The following SULT2A1 variants were observed in gnomAD, a reference collection of about 807,000 sequenced individuals.
SULT2A1 encodes the protein sulfotransferase 2A1.
Under a neutral mutation model 33.9 loss-of-function variants are expected in SULT2A1, and 43 were observed. The ratio of observed to expected loss-of-function variants is 1.27; its 90% CI spans 1.00 to 1.64. The LOEUF (loss-of-function observed/expected upper bound fraction) is 1.64. Among genes scored for constraint, SULT2A1 ranks in the 40% most tolerant of loss-of-function variants. SULT2A1 has a pLI of 0.00. For synonymous variants in SULT2A1, 125 were observed against 113.6 expected (o/e 1.10, Z -0.64); for missense variants, 300 against 335.1 (o/e 0.90, Z 0.82).
At chr19:47,876,048 C>T (rs1015375349) in intron 4 of SULT2A1, among the ~76,000 whole-genome samples, 4 of 152,176 alleles carry the variant, frequency 2.6e-5, no homozygotes, top group African/African-American at 9.6e-5. Flanking sequence ...CAAGATCTCA[C>T]TCTGTCGCCC....
chr19:47,871,395 A>G lies in SULT2A1; in HGVS notation c.*60T>C, dbSNP rs1182359799. On this transcript the variant is annotated 3_prime_UTR_variant, in exon 6 of 6. Transcript: ENST00000222002. ...TTACACAATGACCCCAGTCAGGTAC[A>G]TGTACAAGGACAGGAGAATCAATGT... is the stretch of plus-strand genomic sequence containing the variant. 6.4e-6 allele frequency: 8 copies of G among 1,242,206 alleles called. No individual in the cohort carries two copies. The highest frequency in any genetic ancestry group is 2.3e-5 in the East Asian group (1 of 43,144). The allele number at this position is 1,242,206 out of a possible 1,614,324, so 76.9% of individuals were successfully genotyped here.
At position 47,874,600 on chromosome 19, in the gene SULT2A1, A is replaced by G. The variant is rs1031680385; in HGVS notation, c.745+57T>C. ...CAACTGTTAGCGCCCAGTTGTGACC[A>G]TAGGCATGCATGCCGTGTATTCTGG... On this transcript the variant is annotated intron_variant, in intron 5 of 5. Coordinates refer to ENST00000222002, the MANE Select transcript of SULT2A1 (RefSeq NM_003167.4). 5 of 1,388,410 alleles carry G rather than the reference A, an allele frequency of 3.6e-6. No homozygotes were observed. In the East Asian group the frequency reaches 7.1e-5, roughly 20 times the overall value. 86.0% of individuals were successfully genotyped at this position (1,388,410 alleles called of 1,614,324 possible).
In SULT2A1 at chr19:47,883,796, A is replaced by G. The variant is rs201852380; in HGVS notation, c.137-11T>C. 625 of 1,613,266 alleles carry G rather than the reference A, an allele frequency of 3.9e-4. No homozygotes were observed. The highest frequency in any genetic ancestry group is 4.9e-4 in the Non-Finnish European group (578 of 1,179,416). ...CCAACCAGTTTGTTCCTGGAAAAAGAAGGAAAAAAATATATAAAATGTACC... is the reference window on the plus strand; with the variant it reads ...CCAACCAGTTTGTTCCTGGAAAAAGGAGGAAAAAAATATATAAAATGTACC... On this transcript the variant is annotated splice_polypyrimidine_tract_variant and intron_variant, in intron 1 of 5. Transcript: ENST00000222002.
intron 2 of SULT2A1, 81 bp from the exon 3 acceptor site, chr19:47,882,291 G>T (rs2122154733): frequency 1.3e-6 from 2 of 1,510,316 alleles, no homozygotes; most frequent in South Asian, 1.3e-5. Context: ...TGGAGAAAAA[G>T]CCAATTCCTG....
chr19:47,885,686 C>A (rs547300105), intron 1 of SULT2A1, among the ~76,000 whole-genome samples: 148 of 152,310 alleles, frequency 9.7e-4, no homozygotes, highest in Non-Finnish European at 1.8e-3. Context: ...CATCTTTCAG[C>A]CCCTTGAGAT....
intron 1 of SULT2A1, among the ~76,000 whole-genome samples, chr19:47,884,499 G>A (rs990791788): frequency 2.2e-5 from 3 of 137,046 alleles, no homozygotes; most frequent in African/African-American, 5.6e-5. Flanking sequence ...TTTTTTTAGC[G>A]ATGAGGTCTC....
intron 5 of SULT2A1, among the ~76,000 whole-genome samples, 173 bp from the exon 6 acceptor site, chr19:47,871,740 T>C (rs62529878): frequency 0.034 from 5,206 of 152,064 alleles, 281 homozygotes; most frequent in African/African-American, 0.12. Context: ...AATTTCCTAT[T>C]TTCTCCTTTC....
intron 1 of SULT2A1, 149 bp from the exon 2 acceptor site, chr19:47,883,934 C>T (rs751972836): frequency 1.3e-4 from 91 of 695,770 alleles, no homozygotes; most frequent in Middle Eastern, 4.1e-4. Context: ...GGTGAAACCC[C>T]GTCTCTACTA....
At chr19:47,878,505 ATTTTT>A (rs34027366) in intron 4 of SULT2A1, among the ~76,000 whole-genome samples, 3,055 of 111,924 alleles carry the variant, frequency 0.027, 59 homozygotes, top group Middle Eastern at 0.066. Context: ...ACCTCTCTAG[ATTTTT>A]TTTTTTTTTT....
intron 4 of SULT2A1, 48 bp from the exon 5 acceptor site, chr19:47,874,882 C>G: frequency 1.3e-6 from 2 of 1,573,220 alleles, no homozygotes; most frequent in Non-Finnish European, 8.7e-7. Flanking sequence ...AAAGACAAGG[C>G]TGGGCGTGGT....
intron 5 of SULT2A1, among the ~76,000 whole-genome samples, chr19:47,874,141 C>A (rs1438359841): frequency 1.3e-5 from 2 of 152,104 alleles, no homozygotes; most frequent in Non-Finnish European, 2.9e-5. Context: ...ATAACCTTCC[C>A]GGGCGGAACC....
At chr19:47,884,288 C>T (rs1202690663) in intron 1 of SULT2A1, among the ~76,000 whole-genome samples, 1 of 151,134 alleles carries the variant, frequency 6.6e-6, no homozygotes, top group Non-Finnish European at 1.5e-5. Context: ...TCTCCTGCCT[C>T]AGCCTCCCAA....
chr19:47,886,240 T>C lies in SULT2A1; in HGVS notation c.18A>G (p.Leu6=), dbSNP rs367594240. Residue 6 remains leucine, a synonymous_variant, in exon 1 of 6, where the codon TTA becomes TTG. Coordinates refer to ENST00000222002, the MANE Select transcript of SULT2A1 (RefSeq NM_003167.4). MSDDF[L]WFEGIAFPTM... ...TAGGGAAAGCTATGCCTTCAAACCA[T>C]AAGAAATCGTCCGACATGATGATGA... 85 of 1,613,924 alleles carry C rather than the reference T, an allele frequency of 5.3e-5. 3 individuals are homozygous for C. The South Asian group carries it at 8.8e-4, about 17-fold the overall frequency.
Position 47,879,128 on chromosome 19 carries a change from G to T in SULT2A1, c.475C>A (p.Leu159Ile). 6.2e-7 allele frequency: 1 copy of T among 1,606,176 alleles called. No individual in the cohort carries two copies. Among genetic ancestry groups the T allele is most frequent in the Non-Finnish European group, 8.5e-7 (1 of 1,172,834 alleles). ...ATGTGGTCAAACCATGACCCATATAGCACTGCATGGGGTGGCAGAAAAAGT... is the reference window on the plus strand; with the variant it reads ...ATGTGGTCAAACCATGACCCATATATCACTGCATGGGGTGGCAGAAAAAGT... ...YFEWFCQGTV[L>I]YGSWFDHIHG... Residue 159 changes from leucine to isoleucine, a missense_variant and splice_region_variant, in exon 4 of 6, where the codon CTA (leucine) becomes ATA (isoleucine). By Grantham distance (5) the Leu-to-Ile change is conservative. Transcript: ENST00000222002.
intron 4 of SULT2A1, among the ~76,000 whole-genome samples, chr19:47,876,580 G>A (rs1229047497): frequency 6.6e-6 from 1 of 151,956 alleles, no homozygotes; most frequent in East Asian, 1.9e-4. Flanking sequence ...TTCCAGCTTG[G>A]TCAACGTGGT....
In SULT2A1 at chr19:47,886,286, G is replaced by C; in HGVS notation, c.-29C>G. 1 of 1,612,466 alleles carries C rather than the reference G, an allele frequency of 6.2e-7. No individual in the cohort carries two copies. The highest frequency in any genetic ancestry group is 1.7e-5 in the Admixed American group (1 of 59,858). ...GATGACCTCTTCCTGCGTGGTGTGAGGGTTTCAACTGTAGCCACCGCTGGA... is the reference window on the plus strand; with the variant it reads ...GATGACCTCTTCCTGCGTGGTGTGACGGTTTCAACTGTAGCCACCGCTGGA... On this transcript the variant is annotated 5_prime_UTR_variant, in exon 1 of 6. Coordinates refer to ENST00000222002, the MANE Select transcript of SULT2A1 (RefSeq NM_003167.4).
At chr19:47,883,548 C>G in intron 2 of SULT2A1, 29 bp downstream of exon 2, 1 of 1,606,592 alleles carries the variant, frequency 6.2e-7, no homozygotes, top group Middle Eastern at 1.7e-4. Flanking sequence ...AGGCACTGAT[C>G]AAACACGTCT....
chr19:47,881,008 G>A (rs934133061), intron 3 of SULT2A1, among the ~76,000 whole-genome samples: 1 of 152,126 alleles, frequency 6.6e-6, no homozygotes, highest in Non-Finnish European at 1.5e-5. Context: ...GGTGGAGTAA[G>A]ATAAACCCCA....
Position 47,871,430 on chromosome 19 carries a change from T to C in SULT2A1, c.*25A>G, listed in dbSNP as rs374682324. 20 of 1,528,760 alleles carry C rather than the reference T, an allele frequency of 1.3e-5. No individual in the cohort carries two copies. Among genetic ancestry groups the C allele is most frequent in the Admixed American group, 6.7e-5 (4 of 59,860 alleles). 94.7% of individuals were successfully genotyped at this position (1,528,760 alleles called of 1,614,324 possible). On this transcript the variant is annotated 3_prime_UTR_variant, in exon 6 of 6. Coordinates refer to ENST00000222002, the MANE Select transcript of SULT2A1 (RefSeq NM_003167.4). ...ACAGGAGAATCAATGTCATTCTCCA[T>C]ATAAGATCCAGAGTGTTTTGGACGT...
Sources: gnomAD v4.1 joint callset for allele counts (sites outside exome capture counted in the v4.1 genomes callset) on GRCh38, gnomAD v4.1.1 for gene constraint, MANE v1.5 for transcripts, NCBI Gene and HGNC (gene_info 2026-07-23, HGNC 2026-07-21) for gene names.